TLE1: variants seen among roughly 807,000 people sequenced by gnomAD.
The protein encoded by TLE1 is transducin-like enhancer protein 1.
Under a neutral mutation model 89.8 loss-of-function variants are expected in TLE1, and 21 were observed. The ratio of observed to expected loss-of-function variants is 0.23; its 90% confidence interval spans 0.17 to 0.34. TLE1 has a LOEUF of 0.34. Among genes scored for constraint, TLE1 ranks in the 10% least tolerant of loss-of-function variants. The pLI is 1.00. For synonymous variants in TLE1, 447 were observed against 407.6 expected, an observed-to-expected ratio of 1.10 and a Z score of -1.16; for missense variants, 795 against 1,031.2, an observed-to-expected ratio of 0.77 and a Z score of 3.14.
Position 81,687,314 on chromosome 9 carries a change from T to C in TLE1, c.125+20A>G. 4 of 1,588,102 alleles carry C rather than the reference T, an allele frequency of 2.5e-6. No homozygotes were observed. Among genetic ancestry groups the C allele is most frequent in the South Asian group, 2.3e-5 (2 of 87,442 alleles). On this transcript the variant is annotated intron_variant, in intron 2 of 19. Transcript: ENST00000376499. ...ACCGGGACGCCCGCGACCACTCGCA[T>C]GGCGCGGCCGGACACGCACCTGTGA...
chr9:81,653,243 T>G (rs991895260), intron 5 of TLE1, among the ~76,000 whole-genome samples: 1 of 152,156 alleles, frequency 6.6e-6, no homozygotes, highest in African/African-American at 2.4e-5. Flanking sequence ...ATACCCAGTA[T>G]TCCAACTCCT....
At chr9:81,617,605 G>A (rs1367609158) in intron 9 of TLE1, among the ~76,000 whole-genome samples, 5 of 152,188 alleles carry the variant, frequency 3.3e-5, no homozygotes, top group East Asian at 1.9e-4. Flanking sequence ...AGGCAGCTGA[G>A]GCACAAGGAT....
chr9:81,684,911 C>T (rs1172705548), intron 4 of TLE1, among the ~76,000 whole-genome samples: 7 of 152,184 alleles, frequency 4.6e-5, no homozygotes, highest in Non-Finnish European at 8.8e-5. Flanking sequence ...TTTAGCTTTT[C>T]TTCTCTTATG....
At chr9:81,639,140 G>T (rs1056234900) in intron 6 of TLE1, among the ~76,000 whole-genome samples, 1 of 151,848 alleles carries the variant, frequency 6.6e-6, no homozygotes, top group Admixed American at 6.6e-5. Flanking sequence ...TGCCCAGGCT[G>T]GTCTGGAACT....
At chr9:81,643,872 A>C (rs2132501709) in intron 6 of TLE1, among the ~76,000 whole-genome samples, 1 of 152,172 alleles carries the variant, frequency 6.6e-6, no homozygotes, top group Admixed American at 6.5e-5. Context: ...TAATCCACAT[A>C]GGCCAACTCC....
intron 4 of TLE1, among the ~76,000 whole-genome samples, chr9:81,655,852 CAAAAAAAAAAA>C (rs5898754): frequency 1.6e-5 from 2 of 127,020 alleles, no homozygotes; most frequent in African/African-American, 6.0e-5. Flanking sequence ...GACCCTGTCT[CAAAAAAAAAAA>C]AAAAAAGAAA....
intron 4 of TLE1, among the ~76,000 whole-genome samples, chr9:81,659,584 T>TA (rs1830528546): frequency 1.3e-5 from 2 of 152,178 alleles, no homozygotes; most frequent in African/African-American, 4.8e-5. Context: ...GGCCACCACC[T>TA]ACTGAGGCAG....
intron 4 of TLE1, among the ~76,000 whole-genome samples, chr9:81,685,041 A>C (rs893988341): frequency 1.3e-5 from 2 of 152,194 alleles, no homozygotes; most frequent in Admixed American, 6.5e-5. Context: ...TCCAGTCACT[A>C]ATCTTTTCAT....
intron 16 of TLE1, among the ~76,000 whole-genome samples, chr9:81,588,739 G>C (rs889156230): frequency 6.6e-6 from 1 of 152,130 alleles, no homozygotes; most frequent in Non-Finnish European, 1.5e-5. Context: ...AAGGTGGTGG[G>C]GGAGGCAGCC....
intron 4 of TLE1, among the ~76,000 whole-genome samples, chr9:81,669,211 T>C (rs573178719): frequency 1.2e-4 from 18 of 152,304 alleles, no homozygotes; most frequent in African/African-American, 3.8e-4. Flanking sequence ...ACTGAATCAT[T>C]TGAGATGATC....
chr9:81,618,182 T>G (rs191020321), intron 9 of TLE1, among the ~76,000 whole-genome samples: 4 of 152,322 alleles, frequency 2.6e-5, no homozygotes, highest in Admixed American at 6.5e-5. Context: ...AAGCAGGACA[T>G]CTCAATGGTT....
intron 12 of TLE1, among the ~76,000 whole-genome samples, chr9:81,612,796 G>A (rs1195532805): frequency 9.9e-5 from 15 of 152,206 alleles, no homozygotes; most frequent in Non-Finnish European, 1.0e-4. Context: ...GGTAGCTCAC[G>A]CCTGTAATCC....
intron 14 of TLE1, among the ~76,000 whole-genome samples, chr9:81,596,440 A>G (rs1830222561): frequency 6.6e-6 from 1 of 152,292 alleles, no homozygotes; most frequent in Middle Eastern, 3.4e-3. Context: ...ATCAACTGGA[A>G]GGAAAAAACC....
At chr9:81,678,133 C>G (rs1833135122) in intron 4 of TLE1, among the ~76,000 whole-genome samples, 1 of 152,164 alleles carries the variant, frequency 6.6e-6, no homozygotes, top group South Asian at 2.1e-4. Context: ...TGAGACCTTA[C>G]AGGGGAGGGG....
intron 16 of TLE1, among the ~76,000 whole-genome samples, chr9:81,588,195 T>C (rs1828880329): frequency 6.6e-6 from 1 of 152,060 alleles, no homozygotes; most frequent in Non-Finnish European, 1.5e-5. Flanking sequence ...ACACACAAAA[T>C]CCCGATTGTA....
At chr9:81,595,221 C>T (rs896667620) in intron 14 of TLE1, among the ~76,000 whole-genome samples, 20 of 152,146 alleles carry the variant, frequency 1.3e-4, no homozygotes, top group African/African-American at 3.6e-4. Context: ...AGCAATATAT[C>T]GAGTCCACAT....
intron 6 of TLE1, 52 bp from the exon 7 acceptor site, chr9:81,634,353 G>A (rs370510578): frequency 1.0e-5 from 14 of 1,399,652 alleles, no homozygotes; most frequent in African/African-American, 2.9e-5. Context: ...GGAGGTAGTG[G>A]TGACAGTGAT....
At chr9:81,595,406 C>T (rs754136309) in intron 14 of TLE1, among the ~76,000 whole-genome samples, 13 of 152,266 alleles carry the variant, frequency 8.5e-5, no homozygotes, top group Admixed American at 5.2e-4. Flanking sequence ...GAATGCTCAA[C>T]GAACAAAGTC....
In TLE1 at chr9:81,688,502, G is replaced by C. The variant is rs1834666980; in HGVS notation, c.-262C>G. On this transcript the variant is annotated 5_prime_UTR_variant, in exon 1 of 20. Transcript: ENST00000376499. Reference sequence around the variant, plus strand: ...CCCAGCTGCTTCAAGAACCTGCGCGGAGACGTCGGGCGCTCGGGGACTGTG... The same window carrying C: ...CCCAGCTGCTTCAAGAACCTGCGCGCAGACGTCGGGCGCTCGGGGACTGTG... 5.1e-6 allele frequency: 2 copies of C among 390,100 alleles called. No homozygotes were observed. The highest frequency in any genetic ancestry group is 1.7e-4 in the South Asian group (2 of 11,818). 24.2% of individuals were successfully genotyped at this position (390,100 alleles called of 1,614,324 possible).
Sources: gnomAD v4.1 joint callset for allele counts (sites outside exome capture counted in the v4.1 genomes callset) on GRCh38, gnomAD v4.1.1 for gene constraint, MANE v1.5 for transcripts, NCBI Gene and HGNC (gene_info 2026-07-23, HGNC 2026-07-21) for gene names.